The following RNF138 variants were observed in gnomAD, a reference collection of about 807,000 sequenced individuals.
RNF138 encodes the protein E3 ubiquitin-protein ligase RNF138.
A neutral mutation model predicts 31.0 loss-of-function variants in RNF138; 12 were observed. That is an observed-to-expected ratio of 0.39 (90% CI 0.25 to 0.63). The LOEUF is 0.63. Among genes scored for constraint, RNF138 ranks in the 20% least tolerant of loss-of-function variants. The pLI, the probability that RNF138 is intolerant of heterozygous loss-of-function variation, is 0.52. For missense variants in RNF138, 192 were observed against 300.1 expected (o/e 0.64, Z 2.66); for synonymous variants, 105 against 99.5 (o/e 1.06, Z -0.33).
At chr18:32,121,110 G>C (rs1052658442) in intron 4 of RNF138, among the ~76,000 whole-genome samples, 1 of 150,348 alleles carries the variant, frequency 6.7e-6, no homozygotes, top group Admixed American at 6.7e-5. Flanking sequence ...ACTCCAGCCT[G>C]GGAGACAAGA....
rs1455606551 is a variant in RNF138, at chr18:32,113,757, C to T, written c.289C>T (p.Arg97Cys). The part of the protein sequence containing the change: ...RCCAKQIKFY[R>C]MRHHYKSCKK... ...TAATAATTTACAGATTAAATTCTATCGCATGAGACATCATTACAAATCTTG... is the reference window on the plus strand; with the variant it reads ...TAATAATTTACAGATTAAATTCTATTGCATGAGACATCATTACAAATCTTG... Residue 97 changes from arginine (R) to cysteine (C), a missense_variant, in exon 4 of 8, where the codon CGC becomes TGC. By Grantham distance (180) the Arg-to-Cys change is radical. Transcript: ENST00000261593. 5.0e-6 allele frequency: 7 copies of T among 1,402,972 alleles called. No homozygotes were observed. Among genetic ancestry groups the T allele is most frequent in the Admixed American group, 5.1e-5 (2 of 39,250 alleles). 86.9% of individuals were successfully genotyped at this position (1,402,972 alleles called of 1,614,324 possible).
At chr18:32,116,629 G>A (rs2040220807) in intron 4 of RNF138, among the ~76,000 whole-genome samples, 1 of 151,134 alleles carries the variant, frequency 6.6e-6, no homozygotes, top group Non-Finnish European at 1.5e-5. Flanking sequence ...ATGGCTCACT[G>A]TAGCCTTGAC....
intron 4 of RNF138, among the ~76,000 whole-genome samples, chr18:32,118,753 C>T (rs11081745): frequency 5.9e-5 from 9 of 151,836 alleles, no homozygotes; most frequent in Non-Finnish European, 8.8e-5. Context: ...TCCTTGAACC[C>T]GGGAGGCCAA....
Position 32,099,398 on chromosome 18 carries a change from A to G in RNF138, c.110+6512A>G, listed in dbSNP as rs545968847. On this transcript the variant is annotated intron_variant, in intron 2 of 7. Transcript: ENST00000261593. ...GTAAAATTGGAGATAAGAGACCTGA[A>G]TATCTCTATTTTATTTTATTTTTAG... Among the ~76,000 whole-genome samples, 9 of 152,184 alleles carry G rather than the reference A, an allele frequency of 5.9e-5. No homozygotes were observed. In the East Asian group the frequency reaches 1.4e-3, roughly 23 times the overall value.
At chr18:32,124,909 C>CT (rs1267445648) in intron 6 of RNF138, 64 bp downstream of exon 6, 1 of 814,180 alleles carries the variant, frequency 1.2e-6, no homozygotes, top group Non-Finnish European at 2.1e-6. Flanking sequence ...ATTTATTTCA[C>CT]TTCATGTATG....
chr18:32,102,163 G>T (rs1419001725), intron 2 of RNF138, among the ~76,000 whole-genome samples: 1 of 145,878 alleles, frequency 6.9e-6, no homozygotes, highest in Non-Finnish European at 1.5e-5. Flanking sequence ...TATTACAGGT[G>T]TGAGCCACCA....
At position 32,113,661 on chromosome 18, in the gene RNF138, A is replaced by G. The variant is rs1248692091; in HGVS notation, c.277-84A>G. On this transcript the variant is annotated intron_variant, in intron 3 of 7. Coordinates refer to ENST00000261593, the MANE Select transcript of RNF138 (RefSeq NM_016271.5). Reference sequence around the variant, plus strand: ...TCCTGTTTAAATGGAGTATTTAGTTACTTTTATTTTTTCCTCTCTTTACAC... The same window carrying G: ...TCCTGTTTAAATGGAGTATTTAGTTGCTTTTATTTTTTCCTCTCTTTACAC... 3 of 584,058 alleles carry G rather than the reference A, an allele frequency of 5.1e-6. No homozygotes were observed. The East Asian group carries it at 1.0e-4, about 19-fold the overall frequency. The allele number at this position is 584,058 out of a possible 1,614,324, so 36.2% of individuals were successfully genotyped here.
chr18:32,102,000 C>T (rs148143401), intron 2 of RNF138, among the ~76,000 whole-genome samples: 324 of 151,850 alleles, frequency 2.1e-3, no homozygotes, highest in African/African-American at 7.3e-3. Flanking sequence ...CCTCAGCCTC[C>T]CAAGTAGCTG....
intron 4 of RNF138, among the ~76,000 whole-genome samples, chr18:32,121,063 A>G (rs529632935): frequency 2.0e-5 from 3 of 151,784 alleles, no homozygotes; most frequent in Non-Finnish European, 4.4e-5. Context: ...TGAACCCAGG[A>G]GGAGGAGTTT....
At chr18:32,108,760 C>G (rs1385292614) in intron 2 of RNF138, among the ~76,000 whole-genome samples, 1 of 152,112 alleles carries the variant, frequency 6.6e-6, no homozygotes, top group Non-Finnish European at 1.5e-5. Context: ...CCTTGACCCC[C>G]TGGACTCAAG....
chr18:32,125,034 C>T, intron 6 of RNF138, 189 bp downstream of exon 6: 1 of 523,042 alleles, frequency 1.9e-6, no homozygotes. Flanking sequence ...TGCAGTAACT[C>T]TCATTATAAA....
chr18:32,113,618 A>T, intron 3 of RNF138, 127 bp from the exon 4 acceptor site: 2 of 509,136 alleles, frequency 3.9e-6, no homozygotes, highest in Non-Finnish European at 6.8e-6. Flanking sequence ...GAAATCATTT[A>T]CTTTAAAAAA....
chr18:32,131,184 A>ATGAG lies in RNF138; in HGVS notation c.*1999_*2002dup, dbSNP rs1194213116. On this transcript the variant is annotated 3_prime_UTR_variant, in exon 8 of 8. Transcript: ENST00000261593. ...GGAATTGTGTTTTAAAGTTTTGTGA[A>ATGAG]TGAGTTAAATATCATTGATAGTCTT... 2.0e-5 allele frequency: 3 copies of ATGAG among 152,252 alleles called. No individual in the cohort carries two copies. The highest frequency in any genetic ancestry group is 7.2e-5 in the African/African-American group (3 of 41,458). The allele number at this position is 152,252 out of a possible 1,614,324, so 9.4% of individuals were successfully genotyped here. A position where few individuals can be genotyped will look rare whatever the true frequency, so the allele number is the denominator to read the frequency against.
intron 4 of RNF138, among the ~76,000 whole-genome samples, chr18:32,116,425 A>G (rs1218323838): frequency 1.3e-5 from 2 of 150,396 alleles, no homozygotes; most frequent in East Asian, 1.9e-4. Flanking sequence ...ATTTATTTCT[A>G]TATCCTTTGC....
In RNF138 at chr18:32,092,766, C is replaced by T. The variant is rs1370392070; in HGVS notation, c.-11C>T. On this transcript the variant is annotated 5_prime_UTR_variant, in exon 2 of 8. Transcript: ENST00000261593. Reference sequence around the variant, plus strand: ...CGCTGTCGCCATCGCCTTGTTTCCCCATCCCCCGCCATGGCCGAGGACCTC... The same window carrying T: ...CGCTGTCGCCATCGCCTTGTTTCCCTATCCCCCGCCATGGCCGAGGACCTC... The T allele has an allele frequency of 2.6e-6, 4 of 1,538,084 alleles. No individual in the cohort carries two copies. The highest frequency in any genetic ancestry group is 3.5e-6 in the Non-Finnish European group (4 of 1,137,156).
chr18:32,119,227 A>T (rs2040264754), intron 4 of RNF138, among the ~76,000 whole-genome samples: 1 of 152,052 alleles, frequency 6.6e-6, no homozygotes, highest in African/African-American at 2.4e-5. Context: ...GTAGGAGGTG[A>T]TCCATTGTTC....
intron 4 of RNF138, among the ~76,000 whole-genome samples, chr18:32,118,904 G>A (rs2040259560): frequency 6.6e-6 from 1 of 152,092 alleles, no homozygotes; most frequent in Non-Finnish European, 1.5e-5. Context: ...TTAGTCTTTG[G>A]CTGGTTTTGT....
chr18:32,128,604 A>G (rs899806136), intron 7 of RNF138, among the ~76,000 whole-genome samples: 2 of 152,222 alleles, frequency 1.3e-5, no homozygotes, highest in Non-Finnish European at 2.9e-5. Context: ...TTACTGTCAG[A>G]TATTTGGCAT....
At position 32,130,634 on chromosome 18, in the gene RNF138, T is replaced by C. The variant is rs992495972; in HGVS notation, c.*1447T>C. The C allele has an allele frequency of 2.0e-5, 3 of 152,522 alleles. No homozygotes were observed. The highest frequency in any genetic ancestry group is 4.4e-5 in the Non-Finnish European group (3 of 67,902). The allele number at this position is 152,522 out of a possible 1,614,324, so 9.4% of individuals were successfully genotyped here. A position where few individuals can be genotyped will look rare whatever the true frequency, so the allele number is the denominator to read the frequency against. ...TACATATATTGTATAAAAAGGTATA[T>C]TTTGGTTTTGTTAAAACCCTTGTTG... On this transcript the variant is annotated 3_prime_UTR_variant, in exon 8 of 8. Transcript: ENST00000261593.
Sources: allele counts gnomAD v4.1 joint callset (sites outside exome capture counted in the v4.1 genomes callset), GRCh38; gene constraint gnomAD v4.1.1; transcripts MANE v1.5; gene names NCBI Gene and HGNC (gene_info 2026-07-23, HGNC 2026-07-21).